LINGO1: variants seen among roughly 807,000 people sequenced by gnomAD.
LINGO1 encodes leucine-rich repeat and immunoglobulin-like domain-containing nogo receptor-interacting protein 1.
In LINGO1, 11 loss-of-function variants were observed where a neutral mutation model predicts 37.3. The observed-to-expected ratio is 0.29, with a 90% confidence interval of 0.19 to 0.49. The LOEUF (loss-of-function observed/expected upper bound fraction) is 0.49. LINGO1 is among the 20% of genes least tolerant of loss of function. The probability of loss-of-function intolerance (pLI) is 0.99; values close to 1 mark genes in which losing one functional copy is unlikely to be tolerated. For missense variants in LINGO1, 585 were observed against 878.2 expected (o/e 0.67, Z 4.22); for synonymous variants, 387 against 403.0 (o/e 0.96, Z 0.48).
At chr15:77,764,197 G>T (rs1249468083) in intron 1 of LINGO1, among the ~76,000 whole-genome samples, 1 of 152,158 alleles carries the variant, frequency 6.6e-6, no homozygotes, top group Admixed American at 6.5e-5. Flanking sequence ...GTGCACCTGG[G>T]ATGCCTGTCA....
chr15:77,635,003 G>T (rs2074368081), upstream of LINGO1, among the ~76,000 whole-genome samples: 1 of 152,178 alleles, frequency 6.6e-6, no homozygotes, highest in Admixed American at 6.5e-5. Context: ...CCTGCTCCCT[G>T]CCTCAGTGAT....
At chr15:77,738,397 C>A (rs1411815896) in intron 1 of LINGO1, among the ~76,000 whole-genome samples, 1 of 152,158 alleles carries the variant, frequency 6.6e-6, no homozygotes, top group Non-Finnish European at 1.5e-5. Context: ...CCATAATTGG[C>A]CTCCTTCCCA....
chr15:77,637,248 G>A (rs2074414459), upstream of LINGO1, among the ~76,000 whole-genome samples: 1 of 152,238 alleles, frequency 6.6e-6, no homozygotes, highest in Admixed American at 6.5e-5. The surrounding 1 kb of genome is among the most constrained non-coding windows in gnomAD (Gnocchi z 4.6). Context: ...AGATATGCAG[G>A]TTCCCAGGGA....
intron 2 of LINGO1, among the ~76,000 whole-genome samples, chr15:77,702,043 G>A (rs1322971548): frequency 6.6e-6 from 1 of 152,178 alleles, no homozygotes; most frequent in Admixed American, 6.5e-5. Context: ...AGGCCCAAGA[G>A]AACAGGTGTC....
intron 1 of LINGO1, among the ~76,000 whole-genome samples, chr15:77,781,391 T>C (rs552500829): frequency 1.3e-5 from 2 of 152,362 alleles, no homozygotes; most frequent in Non-Finnish European, 1.5e-5. Flanking sequence ...GGGCTCTGAA[T>C]GGCAGCAGTG....
In LINGO1 at chr15:77,623,090, G is replaced by A. The variant is rs550081474; in HGVS notation, c.7-7190C>T. Among the ~76,000 whole-genome samples the A allele has an allele frequency of 2.6e-5, 4 of 152,326 alleles. No individual in the cohort carries two copies. The East Asian group carries it at 7.7e-4, about 29-fold the overall frequency. On this transcript the variant is annotated intron_variant, in intron 1 of 1. Transcript: ENST00000355300. ...CACCCACATCAAAGGAACAGAGAGA[G>A]CCCACCAGACAAATGCTGCGAGGGG...
intron 2 of LINGO1, among the ~76,000 whole-genome samples, chr15:77,727,462 C>G (rs1270079957): frequency 6.6e-6 from 1 of 152,162 alleles, no homozygotes; most frequent in Non-Finnish European, 1.5e-5. Flanking sequence ...ACACGGAGGA[C>G]ATTATGCTAT....
At chr15:77,686,689 T>C (rs1035530368) in intron 2 of LINGO1, among the ~76,000 whole-genome samples, 1 of 152,172 alleles carries the variant, frequency 6.6e-6, no homozygotes, top group African/African-American at 2.4e-5. Context: ...AAACTGCCCA[T>C]GGGCACCATC....
chr15:77,693,053 CT>C (rs1181062451), intron 1 of LINGO1, among the ~76,000 whole-genome samples: 3 of 152,212 alleles, frequency 2.0e-5, no homozygotes, highest in Non-Finnish European at 4.4e-5. Flanking sequence ...TGATTCCCAG[CT>C]TACACACCCA....
chr15:77,789,937 A>AT (rs1204745102), upstream of LINGO1, among the ~76,000 whole-genome samples: 7 of 151,732 alleles, frequency 4.6e-5, no homozygotes, highest in East Asian at 5.8e-4. Flanking sequence ...ACGACCAGCT[A>AT]TTTTTTTTAT....
intron 1 of LINGO1, among the ~76,000 whole-genome samples, chr15:77,779,416 T>C (rs1398992268): frequency 1.3e-5 from 2 of 152,074 alleles, no homozygotes; most frequent in African/African-American, 4.8e-5. Context: ...TATTACATTG[T>C]CATATATAAT....
chr15:77,649,670 T>C (rs138591498), intron 3 of LINGO1, among the ~76,000 whole-genome samples: 1 of 152,150 alleles, frequency 6.6e-6, no homozygotes, highest in African/African-American at 2.4e-5. Flanking sequence ...GGAAGGTTTC[T>C]AGCTGGAGGA....
At chr15:77,802,196 T>C (rs1203082076) in intron 1 of LINGO1, among the ~76,000 whole-genome samples, 3 of 151,886 alleles carry the variant, frequency 2.0e-5, no homozygotes, top group African/African-American at 7.3e-5. Flanking sequence ...AGAGGGCACA[T>C]GTGGGTCTGC....
intron 3 of LINGO1, among the ~76,000 whole-genome samples, chr15:77,649,938 G>A (rs1362118641): frequency 1.3e-5 from 2 of 152,214 alleles, no homozygotes; most frequent in South Asian, 2.1e-4. Context: ...TAGAGAGCCA[G>A]CAAGACTTAG....
upstream of LINGO1, among the ~76,000 whole-genome samples, chr15:77,634,763 C>T (rs1339497438): frequency 6.6e-6 from 1 of 151,936 alleles, no homozygotes; most frequent in African/African-American, 2.4e-5. Context: ...CTCCCCAGCC[C>T]CCCCACCCCG....
At chr15:77,682,821 C>T (rs2075440439) in intron 2 of LINGO1, among the ~76,000 whole-genome samples, 1 of 152,132 alleles carries the variant, frequency 6.6e-6, no homozygotes, top group African/African-American at 2.4e-5. Flanking sequence ...TTAAAACCCG[C>T]CCAGGAAGCC....
chr15:77,676,365 A>G (rs1459583858), intron 3 of LINGO1, among the ~76,000 whole-genome samples: 1 of 152,258 alleles, frequency 6.6e-6, no homozygotes, highest in African/African-American at 2.4e-5. Flanking sequence ...TGTAATATTT[A>G]AGATATATTT....
intron 2 of LINGO1, among the ~76,000 whole-genome samples, chr15:77,733,258 G>A (rs1188106384): frequency 6.6e-6 from 1 of 152,240 alleles, no homozygotes. Flanking sequence ...AGCAGAGGGG[G>A]CTGTTAGTGT....
At chr15:77,702,545 C>G (rs1341042374) in intron 2 of LINGO1, among the ~76,000 whole-genome samples, 1 of 152,168 alleles carries the variant, frequency 6.6e-6, no homozygotes, top group Non-Finnish European at 1.5e-5. Flanking sequence ...ATGCCATGGC[C>G]TTCCTGCACC....
Sources: gnomAD v4.1 joint callset for allele counts (sites outside exome capture counted in the v4.1 genomes callset) on GRCh38, gnomAD v4.1.1 for gene constraint, Gnocchi (gnomAD v3.1) non-coding constraint, MANE v1.5 for transcripts, NCBI Gene and HGNC (gene_info 2026-07-23, HGNC 2026-07-21) for gene names.